The following SGCD variants were observed in gnomAD, a reference collection of about 807,000 sequenced individuals.
The protein encoded by SGCD is delta-sarcoglycan.
A neutral mutation model predicts 36.6 loss-of-function variants in SGCD; 18 were observed. That is an observed-to-expected ratio of 0.49 (90% CI 0.34 to 0.73). The LOEUF (loss-of-function observed/expected upper bound fraction) is 0.73, where lower values mean the gene tolerates loss of function less well. SGCD is among the 30% of genes least tolerant of loss of function. SGCD has a pLI of 0.01. For missense variants in SGCD, 387 were observed against 346.7 expected (o/e 1.12, Z -0.92); for synonymous variants, 133 against 130.6 (o/e 1.02, Z -0.12).
Position 156,757,780 on chromosome 5 carries a change from C to T in SGCD, c.699+76C>T, listed in dbSNP as rs369806019. 264 of 1,537,966 alleles carry T rather than the reference C, an allele frequency of 1.7e-4. 1 individual carries two copies. The highest frequency in any genetic ancestry group is 2.1e-4 in the Non-Finnish European group (239 of 1,140,212). The stretch of plus-strand genomic sequence containing the variant: ...AACCCTTCCCATAACTGGTTGACCT[C>T]GGAGTTGGATCCTACAGTGTATCAA... On this transcript the variant is annotated intron_variant, in intron 8 of 8. Transcript: ENST00000337851.
chr5:156,074,802 T>G (rs1477867317), intron 1 of SGCD, among the ~76,000 whole-genome samples: 1 of 152,220 alleles, frequency 6.6e-6, no homozygotes, highest in Non-Finnish European at 1.5e-5. Context: ...AGCATTCATG[T>G]TTTTGCAGGA....
the SGCD span, among the ~76,000 whole-genome samples, chr5:155,827,845 A>AT: frequency 0.19 from 23,391 of 124,794 alleles, 2,286 homozygotes; most frequent in South Asian, 0.26. Flanking sequence ...CACCTGGCTA[A>AT]TTTTTTTTTT....
intron 2 of SGCD, among the ~76,000 whole-genome samples, chr5:156,344,190 A>G (rs886276852): frequency 6.6e-6 from 1 of 152,132 alleles, no homozygotes; most frequent in Non-Finnish European, 1.5e-5. Flanking sequence ...AAGATGTTGG[A>G]ATTCTGAGTC....
intron 1 of SGCD, among the ~76,000 whole-genome samples, chr5:155,927,646 T>C (rs935691634): frequency 1.3e-5 from 2 of 152,350 alleles, no homozygotes; most frequent in East Asian, 1.9e-4. Context: ...GTAGCAGTTA[T>C]GCATTTTGCC....
the SGCD span, among the ~76,000 whole-genome samples, chr5:155,856,332 A>G: frequency 1.3e-5 from 2 of 152,226 alleles, no homozygotes; most frequent in Admixed American, 6.5e-5. Context: ...AAAGAATAAC[A>G]AAGAACAGAC....
intron 3 of SGCD, among the ~76,000 whole-genome samples, chr5:156,219,849 A>C (rs1230405501): frequency 6.6e-6 from 1 of 152,162 alleles, no homozygotes; most frequent in Non-Finnish European, 1.5e-5. Flanking sequence ...TTGGAGAAGT[A>C]TTTTAGATCC....
In SGCD at chr5:156,052,751, CTG is replaced by C. The variant is rs1404683649; in HGVS notation, c.-281-65125_-281-65124del. ...CCATTAAAGGTACTAAAGTGTAAAA[CTG>C]TTTGCTTTCTTCCATGTCTCTCTTG... On this transcript the variant is annotated intron_variant, in intron 1 of 9. Transcript: ENST00000517913. Among the ~76,000 whole-genome samples the C allele has an allele frequency of 5.2e-4, 76 of 145,676 alleles. 1 individual carries two copies. The highest frequency in any genetic ancestry group is 1.9e-3 in the African/African-American group (76 of 40,494).
chr5:155,938,065 C>A (rs758111463), intron 1 of SGCD, among the ~76,000 whole-genome samples: 1 of 152,194 alleles, frequency 6.6e-6, no homozygotes, highest in Non-Finnish European at 1.5e-5. Flanking sequence ...CAGACATGAA[C>A]GCAAACATGC....
chr5:155,951,125 G>A (rs534855509), intron 1 of SGCD, among the ~76,000 whole-genome samples: 11 of 152,228 alleles, frequency 7.2e-5, no homozygotes, highest in African/African-American at 2.2e-4. Context: ...TCACATTTTA[G>A]CATGATGAAT....
chr5:156,041,298 T>C (rs1759627339), intron 1 of SGCD, among the ~76,000 whole-genome samples: 1 of 152,224 alleles, frequency 6.6e-6, no homozygotes, highest in African/African-American at 2.4e-5. Flanking sequence ...AATGGGTTGA[T>C]TGCCTTGTAC....
At chr5:156,740,929 GT>G (rs200099130) in intron 7 of SGCD, among the ~76,000 whole-genome samples, 1 of 152,090 alleles carries the variant, frequency 6.6e-6, no homozygotes, top group Non-Finnish European at 1.5e-5. Context: ...CTTCCCACCA[GT>G]TTTTTCTAAG....
intron 6 of SGCD, among the ~76,000 whole-genome samples, chr5:156,605,128 C>A (rs1209359375): frequency 6.6e-6 from 1 of 151,896 alleles, no homozygotes; most frequent in East Asian, 1.9e-4. Flanking sequence ...TATACATGTG[C>A]CATGTTGGTG....
intron 3 of SGCD, among the ~76,000 whole-genome samples, chr5:156,176,096 G>C (rs1388700778): frequency 1.3e-5 from 2 of 151,648 alleles, no homozygotes; most frequent in Non-Finnish European, 2.9e-5. Context: ...GTGTAGTGCA[G>C]TATGGAACTC....
chr5:156,555,862 C>T (rs943191740), intron 4 of SGCD, among the ~76,000 whole-genome samples: 4 of 151,928 alleles, frequency 2.6e-5, no homozygotes, highest in Non-Finnish European at 5.9e-5. Flanking sequence ...TTTCTTTTAG[C>T]AGTGTTTTGT....
At chr5:156,390,431 A>G (rs961625617) in intron 3 of SGCD, among the ~76,000 whole-genome samples, 10 of 152,184 alleles carry the variant, frequency 6.6e-5, no homozygotes, top group African/African-American at 2.4e-4. Flanking sequence ...TGTTTTTATC[A>G]AAAAGTTTAA....
chr5:155,732,934 G>A, the SGCD span, among the ~76,000 whole-genome samples: 1 of 151,606 alleles, frequency 6.6e-6, no homozygotes, highest in Non-Finnish European at 1.5e-5. Flanking sequence ...TGATATGCAA[G>A]GAAACAAGCA....
intron 4 of SGCD, among the ~76,000 whole-genome samples, chr5:156,556,850 CTG>C (rs1759042454): frequency 1.3e-5 from 2 of 152,144 alleles, no homozygotes; most frequent in African/African-American, 2.4e-5. Flanking sequence ...TTCTTTGTAA[CTG>C]TGGTTGCAGC....
chr5:156,625,608 G>A (rs1762409549), intron 6 of SGCD, among the ~76,000 whole-genome samples: 1 of 152,164 alleles, frequency 6.6e-6, no homozygotes, highest in African/African-American at 2.4e-5. Context: ...TGCCCCTTCA[G>A]TGATCACAAA....
intron 1 of SGCD, among the ~76,000 whole-genome samples, chr5:155,888,524 ACT>A (rs747270488): frequency 1.3e-5 from 2 of 152,160 alleles, no homozygotes; most frequent in Non-Finnish European, 2.9e-5. Flanking sequence ...GAAGCAGATA[ACT>A]CTGTGTATTT....
Sources: allele counts gnomAD v4.1 joint callset (sites outside exome capture counted in the v4.1 genomes callset), GRCh38; gene constraint gnomAD v4.1.1; transcripts MANE v1.5; gene names NCBI Gene and HGNC (gene_info 2026-07-23, HGNC 2026-07-21).